The following COA1 variants were observed in gnomAD, a reference collection of about 807,000 sequenced individuals.
COA1 encodes the protein cytochrome c oxidase assembly factor 1 homolog.
COA1 carries 13 observed loss-of-function variants against 16.0 expected under a neutral mutation model. The observed-to-expected ratio is 0.81, with a 90% CI of 0.53 to 1.29. The LOEUF (loss-of-function observed/expected upper bound fraction) is 1.29, where lower values mean the gene tolerates loss of function less well. COA1 is among the 50% of genes most tolerant of loss of function. The pLI, the probability that COA1 is intolerant of heterozygous loss-of-function variation, is 0.00. For synonymous variants in COA1, 65 were observed against 65.7 expected (o/e 0.99, Z 0.05); for missense variants, 179 against 177.0 (o/e 1.01, Z -0.06).
rs556617611 is a variant in COA1, at chr7:43,693,739, C to T, written c.-39+35690G>A. ...TATACCCTCAACTATCGTACCTCAT[C>T]TTACCCTATCATTATCACCAGGAAC... On this transcript the variant is annotated intron_variant, in intron 1 of 5. Transcript: ENST00000223336. Among the ~76,000 whole-genome samples the T allele has an allele frequency of 4.6e-5, 7 of 152,254 alleles. No homozygotes were observed. The South Asian group carries it at 1.5e-3, about 32-fold the overall frequency.
At chr7:43,649,113 ATACT>A (rs1461921015) in intron 1 of COA1, 1 of 154,952 alleles carries the variant, frequency 6.5e-6, no homozygotes, top group African/African-American at 2.4e-5. Context: ...ATAATACCTA[ATACT>A]TCTGTCTCTG....
At chr7:43,691,717 T>A (rs2094378107) in intron 1 of COA1, among the ~76,000 whole-genome samples, 1 of 152,170 alleles carries the variant, frequency 6.6e-6, no homozygotes, top group Admixed American at 6.5e-5. Context: ...GAAAAAAGTC[T>A]CTCTGTGAGA....
rs577081214 is a variant in COA1 at position 43,647,535 on chromosome 7, T to C, written c.115A>G (p.Lys39Glu). 10 of 1,610,184 alleles carry C rather than the reference T, an allele frequency of 6.2e-6. No homozygotes were observed. The East Asian group carries it at 1.8e-4, about 29-fold the overall frequency. Reference sequence around the variant, plus strand: ...CGCAGGCGGCTAGCAGGATACTTACTTTGAATGAGGTAATACACAATGGCA... The same window carrying C: ...CGCAGGCGGCTAGCAGGATACTTACCTTGAATGAGGTAATACACAATGGCA... ...GFAIVYYLIQKFHSRALYYKL... is the reference protein window; with the variant it reads ...GFAIVYYLIQEFHSRALYYKL... The change falls in exon 3 of 6, where the codon AAG (lysine) becomes GAG (glutamate). Residue 39 changes from lysine (K) to glutamate (E), a missense_variant and splice_region_variant. By Grantham distance (56) the Lys-to-Glu change is moderately conservative. Coordinates refer to ENST00000223336, the MANE Select transcript of COA1 (RefSeq NM_018224.4).
At chr7:43,720,526 A>T (rs1408455179) in intron 1 of COA1, among the ~76,000 whole-genome samples, 2 of 152,146 alleles carry the variant, frequency 1.3e-5, no homozygotes, top group Non-Finnish European at 2.9e-5. Flanking sequence ...TACATTTTTT[A>T]AAAATGGCTG....
At chr7:43,620,214 A>C (rs1215988321) in intron 6 of COA1, among the ~76,000 whole-genome samples, 2 of 152,210 alleles carry the variant, frequency 1.3e-5, no homozygotes, top group Admixed American at 1.3e-4. Flanking sequence ...AAAGCAGCTG[A>C]ATGATGATAC....
At chr7:43,647,676 T>A in intron 2 of COA1, 42 bp from the exon 3 acceptor site, 1 of 1,526,084 alleles carries the variant, frequency 6.6e-7, no homozygotes, top group Non-Finnish European at 9.1e-7. Flanking sequence ...GATTCCCAGT[T>A]TTGTGCCAAG....
Position 43,639,363 on chromosome 7 carries a change from C to A in COA1, c.*219G>T. ...TATCTTAAATTTATAATAGGAGTTT[C>A]TTTCGGATTCAGTTTAAAAATGACA... On this transcript the variant is annotated 3_prime_UTR_variant, in exon 6 of 6. Transcript: ENST00000223336. The A allele has an allele frequency of 2.5e-6, 1 of 399,034 alleles. No homozygotes were observed. Among genetic ancestry groups the A allele is most frequent in the Non-Finnish European group, 4.5e-6 (1 of 221,044 alleles). 24.7% of individuals were successfully genotyped at this position (399,034 alleles called of 1,614,324 possible). A position where few individuals can be genotyped will look rare whatever the true frequency, so the allele number is the denominator to read the frequency against.
At chr7:43,621,076 G>C (rs1177127914) in intron 6 of COA1, among the ~76,000 whole-genome samples, 1 of 152,214 alleles carries the variant, frequency 6.6e-6, no homozygotes, top group Non-Finnish European at 1.5e-5. Flanking sequence ...CCGGAGCACA[G>C]AAAGACTCAG....
At chr7:43,662,326 T>C (rs1417536653) in intron 1 of COA1, among the ~76,000 whole-genome samples, 5 of 152,144 alleles carry the variant, frequency 3.3e-5, no homozygotes, top group African/African-American at 1.2e-4. Context: ...GCCTCCCAGG[T>C]TCAAGCAATT....
At chr7:43,640,534 TCCTC>T in intron 5 of COA1, 35 bp downstream of exon 5, 1 of 1,433,846 alleles carries the variant, frequency 7.0e-7, no homozygotes, top group Non-Finnish European at 9.7e-7. Flanking sequence ...CAGGAAGTCT[TCCTC>T]CCGCTCCCCC....
At chr7:43,653,188 C>T (rs1383517953) in intron 1 of COA1, among the ~76,000 whole-genome samples, 22 of 151,748 alleles carry the variant, frequency 1.4e-4, no homozygotes, top group Admixed American at 1.2e-3. Flanking sequence ...GGCGGGCACC[C>T]GTAGTCCCAG....
intron 6 of COA1, among the ~76,000 whole-genome samples, chr7:43,621,942 C>T (rs1477478038): frequency 2.0e-5 from 3 of 152,150 alleles, no homozygotes; most frequent in Non-Finnish European, 4.4e-5. Flanking sequence ...TGAGTTCTGG[C>T]CCTGTACTTG....
chr7:43,688,768 T>C, intron 1 of COA1, among the ~76,000 whole-genome samples: 1 of 152,332 alleles, frequency 6.6e-6, no homozygotes, highest in East Asian at 1.9e-4. Flanking sequence ...TTTGAGCTCC[T>C]GCCATCAAAT....
chr7:43,640,538 C>T (rs1401038764), intron 5 of COA1, 35 bp downstream of exon 5: 2 of 1,486,916 alleles, frequency 1.3e-6, no homozygotes, highest in Admixed American at 3.6e-5. Flanking sequence ...AAGTCTTCCT[C>T]CCGCTCCCCC....
chr7:43,624,760 A>G, intron 6 of COA1: 1 of 1,613,686 alleles, frequency 6.2e-7, no homozygotes, highest in East Asian at 2.2e-5. Flanking sequence ...GAAAAAGAGA[A>G]AATGGAGCAA....
At position 43,660,175 on chromosome 7, in the gene COA1, T is replaced by C. The variant is rs371974260; in HGVS notation, c.-38-11523A>G. Among the ~76,000 whole-genome samples the C allele has an allele frequency of 5.5e-4, 84 of 152,296 alleles. 1 individual carries two copies. The East Asian group carries it at 0.014, about 25-fold the overall frequency. ...TTGATACACTCTATATACCCTTTCC[T>C]ACTCCCCGACCCCAAGAACATCTCA... is the stretch of plus-strand genomic sequence containing the variant. On this transcript the variant is annotated intron_variant, in intron 1 of 5. Coordinates refer to ENST00000223336, the MANE Select transcript of COA1 (RefSeq NM_018224.4).
chr7:43,634,280 G>A (rs1315676911), downstream of COA1, among the ~76,000 whole-genome samples: 1 of 152,008 alleles, frequency 6.6e-6, no homozygotes, highest in Non-Finnish European at 1.5e-5. Flanking sequence ...TGCCCATTTG[G>A]GTTTGAGACG....
At chr7:43,615,532 A>C (rs1011998729) in intron 6 of COA1, among the ~76,000 whole-genome samples, 8 of 152,202 alleles carry the variant, frequency 5.3e-5, no homozygotes, top group Non-Finnish European at 1.2e-4. Flanking sequence ...TGCCTTGAAA[A>C]GTCTGAGGAC....
At chr7:43,681,916 G>A (rs967096421) in intron 1 of COA1, among the ~76,000 whole-genome samples, 2 of 152,054 alleles carry the variant, frequency 1.3e-5, no homozygotes, top group Non-Finnish European at 2.9e-5. Flanking sequence ...CACATCCCTG[G>A]AATGTAATAT....
Sources: allele counts gnomAD v4.1 joint callset (sites outside exome capture counted in the v4.1 genomes callset), GRCh38; gene constraint gnomAD v4.1.1; transcripts MANE v1.5; gene names NCBI Gene and HGNC (gene_info 2026-07-23, HGNC 2026-07-21).